Variants in CCDC102B observed in about 807,000 individuals in gnomAD.
The protein encoded by CCDC102B is coiled-coil domain-containing protein 102B.
CCDC102B carries 75 observed loss-of-function variants against 57.4 expected under a neutral mutation model. That is an observed-to-expected ratio of 1.31 (90% CI 1.08 to 1.58). The LOEUF is 1.58. CCDC102B is among the 40% of genes most tolerant of loss of function. The probability of loss-of-function intolerance (pLI) is 0.00; values close to 1 mark genes in which losing one functional copy is unlikely to be tolerated. For missense variants in CCDC102B, 636 were observed against 582.6 expected, an observed-to-expected ratio of 1.09 and a Z score of -0.94; for synonymous variants, 206 against 201.9, an observed-to-expected ratio of 1.02 and a Z score of -0.17.
intron 6 of CCDC102B, among the ~76,000 whole-genome samples, chr18:68,934,470 A>G (rs1365963106): frequency 6.6e-6 from 1 of 152,048 alleles, no homozygotes; most frequent in East Asian, 1.9e-4. Context: ...ACAGGTCTAC[A>G]ATTAATTCCA....
chr18:68,736,611 T>C (rs981733116), intron 2 of CCDC102B, among the ~76,000 whole-genome samples: 1 of 152,218 alleles, frequency 6.6e-6, no homozygotes, highest in South Asian at 2.1e-4. Context: ...TGTTTTTATT[T>C]TGAAGATTTA....
chr18:69,050,911 A>T (rs1359942615), intron 7 of CCDC102B, among the ~76,000 whole-genome samples: 1 of 152,184 alleles, frequency 6.6e-6, no homozygotes, highest in African/African-American at 2.4e-5. Context: ...TTAGAGACAG[A>T]GTCTTGCTCT....
At chr18:68,924,654 A>AT (rs1263878986) in intron 6 of CCDC102B, among the ~76,000 whole-genome samples, 3 of 152,064 alleles carry the variant, frequency 2.0e-5, no homozygotes, top group African/African-American at 7.2e-5. Flanking sequence ...TTTCAGAAGA[A>AT]TTTCTATGTG....
chr18:68,938,312 T>C (rs916658240), intron 6 of CCDC102B, among the ~76,000 whole-genome samples: 8 of 152,074 alleles, frequency 5.3e-5, no homozygotes, highest in African/African-American at 1.9e-4. Flanking sequence ...GTGTATTTTA[T>C]AATCTGAAAA....
Position 68,994,566 on chromosome 18 carries a change from T to C in CCDC102B, c.1264-16368T>C, listed in dbSNP as rs564163668. On this transcript the variant is annotated intron_variant, in intron 6 of 7. Transcript: ENST00000360242. ...GAGACACCAGGTGAAGGTAATTGAATCATGGGAGTGTTTTCGCCCTTGTGG... is the reference window on the plus strand; with the variant it reads ...GAGACACCAGGTGAAGGTAATTGAACCATGGGAGTGTTTTCGCCCTTGTGG... Among the ~76,000 whole-genome samples, 89 of 150,934 alleles carry C rather than the reference T, an allele frequency of 5.9e-4. No individual in the cohort carries two copies. The Middle Eastern group carries it at 0.021, about 35-fold the overall frequency.
At chr18:69,016,985 C>G (rs1032204452) in intron 7 of CCDC102B, among the ~76,000 whole-genome samples, 8 of 152,006 alleles carry the variant, frequency 5.3e-5, no homozygotes, top group Non-Finnish European at 1.0e-4. Context: ...TGCATCTTAA[C>G]TAATATGAAA....
chr18:69,002,392 C>T (rs1653378098), intron 6 of CCDC102B, among the ~76,000 whole-genome samples: 1 of 152,074 alleles, frequency 6.6e-6, no homozygotes, highest in Non-Finnish European at 1.5e-5. Context: ...CAAAGATACT[C>T]ACATGGCCAT....
chr18:69,011,265 C>T, intron 7 of CCDC102B, 161 bp downstream of exon 7: 1 of 683,612 alleles, frequency 1.5e-6, no homozygotes, highest in Non-Finnish European at 2.4e-6. Context: ...AATAAGATTA[C>T]ACAGACAATG....
At chr18:68,781,320 G>A (rs2035001396) in intron 2 of CCDC102B, among the ~76,000 whole-genome samples, 1 of 125,680 alleles carries the variant, frequency 8.0e-6, no homozygotes, top group African/African-American at 3.0e-5. Flanking sequence ...ATTAATAAGA[G>A]AAGAATGAGT....
At chr18:68,902,954 CT>C (rs1470911425) in intron 6 of CCDC102B, among the ~76,000 whole-genome samples, 1 of 152,068 alleles carries the variant, frequency 6.6e-6, no homozygotes, top group African/African-American at 2.4e-5. Context: ...TTTTCTCATA[CT>C]AGGTCTTCAA....
intron 6 of CCDC102B, among the ~76,000 whole-genome samples, chr18:68,920,349 A>G (rs1006635037): frequency 6.6e-6 from 1 of 152,168 alleles, no homozygotes; most frequent in Admixed American, 6.6e-5. Flanking sequence ...CAGAATAGAG[A>G]TCTCAGAAAT....
chr18:68,899,296 A>G (rs1300319279), intron 6 of CCDC102B, among the ~76,000 whole-genome samples: 1 of 152,106 alleles, frequency 6.6e-6, no homozygotes, highest in Non-Finnish European at 1.5e-5. Flanking sequence ...AGAGCTGTGT[A>G]CAGAACATGC....
At chr18:68,997,247 C>T (rs1409488180) in intron 6 of CCDC102B, among the ~76,000 whole-genome samples, 1 of 152,162 alleles carries the variant, frequency 6.6e-6, no homozygotes, top group Non-Finnish European at 1.5e-5. Context: ...TGGACTAACA[C>T]ACCCACACAT....
rs776044688 is a variant in CCDC102B, at chr18:68,771,618, C to T, written c.-66-51748C>T. 3.9e-5 allele frequency among the ~76,000 whole-genome samples: 6 copies of T among 152,056 alleles called. 1 individual carries two copies. Among genetic ancestry groups the T allele is most frequent in the African/African-American group, 1.4e-4 (6 of 41,418 alleles). ...AATCTTGGGACCACTTCTCTGTAAG[C>T]GAGGAGCGGTAAGGGCTAGAGAGCA... On this transcript the variant is annotated intron_variant, in intron 2 of 3. Transcript: ENST00000578970.
intron 6 of CCDC102B, among the ~76,000 whole-genome samples, chr18:68,998,295 A>T (rs2051086506): frequency 7.0e-6 from 1 of 142,576 alleles, no homozygotes. Context: ...ATATAGACAC[A>T]TATATACACA....
chr18:68,969,394 G>T (rs1016805992), intron 6 of CCDC102B, among the ~76,000 whole-genome samples: 1 of 151,604 alleles, frequency 6.6e-6, no homozygotes, highest in African/African-American at 2.4e-5. Context: ...TTTTCTGAAG[G>T]TTTTGCGGTT....
chr18:68,837,328 G>T lies in CCDC102B; in HGVS notation c.565G>T (p.Val189Leu), dbSNP rs1233500516. Reference sequence around the variant, plus strand: ...GCATGAGTCTATCAGAGAGTATTTGGTAAAAAGACAATTTTCTACAAAGGA... The same window carrying T: ...GCATGAGTCTATCAGAGAGTATTTGTTAAAAAGACAATTTTCTACAAAGGA... Reference protein sequence around the residue: ...QMHESIREYLVKRQFSTKEDT... With the variant: ...QMHESIREYLLKRQFSTKEDT... The change falls in exon 2 of 8, where the codon GTA (valine) becomes TTA (leucine). Residue 189 changes from valine to leucine, a missense_variant. Coordinates refer to ENST00000360242, the MANE Select transcript of CCDC102B (RefSeq NM_024781.3). The T allele has an allele frequency of 1.2e-6, 2 of 1,610,106 alleles. No individual in the cohort carries two copies. The highest frequency in any genetic ancestry group is 1.7e-6 in the Non-Finnish European group (2 of 1,178,470).
At chr18:68,866,294 A>G (rs192296385) in intron 4 of CCDC102B, among the ~76,000 whole-genome samples, 13 of 152,352 alleles carry the variant, frequency 8.5e-5, no homozygotes, top group Non-Finnish European at 1.8e-4. Context: ...ATTACAGAGT[A>G]AAAACTTTCT....
intron 6 of CCDC102B, among the ~76,000 whole-genome samples, chr18:69,006,344 C>T (rs1861943686): frequency 6.6e-6 from 1 of 152,050 alleles, no homozygotes; most frequent in Non-Finnish European, 1.5e-5. Context: ...ACTTTTCTAT[C>T]ACAAATTAAC....
Sources: allele counts gnomAD v4.1 joint callset (sites outside exome capture counted in the v4.1 genomes callset), GRCh38; gene constraint gnomAD v4.1.1; transcripts MANE v1.5; gene names NCBI Gene and HGNC (gene_info 2026-07-23, HGNC 2026-07-21).